Variants in ZNF496 observed in about 807,000 individuals in gnomAD.
The protein encoded by ZNF496 is NSD1 (nuclear receptor binding SET-domain containing 1)-interacting zinc finger protein 1.
Under a neutral mutation model 58.9 loss-of-function variants are expected in ZNF496, and 11 were observed. That is an observed-to-expected ratio of 0.19 (90% CI 0.12 to 0.31). ZNF496 has a LOEUF of 0.31. Ranked by LOEUF, ZNF496 falls within the 10% of genes least tolerant of loss-of-function variation. The pLI, the probability that ZNF496 is intolerant of heterozygous loss-of-function variation, is 1.00. For synonymous variants in ZNF496, 338 were observed against 318.2 expected (o/e 1.06, Z -0.66); for missense variants, 660 against 783.0 (o/e 0.84, Z 1.88).
chr1:247,302,110 A>G (rs1255885670), intron 9 of ZNF496, among the ~76,000 whole-genome samples: 1 of 152,090 alleles, frequency 6.6e-6, no homozygotes, highest in Non-Finnish European at 1.5e-5. Context: ...CCCACCATAC[A>G]GGTGGCCTGT....
chr1:247,307,570 A>C, intron 9 of ZNF496: 1 of 985,402 alleles, frequency 1.0e-6, no homozygotes, highest in Non-Finnish European at 1.2e-6. Flanking sequence ...TTAGAAAACC[A>C]GGGGTGGGCA....
At chr1:247,328,638 G>A (rs369729005) in intron 5 of ZNF496, 45 bp downstream of exon 5, 44 of 1,505,174 alleles carry the variant, frequency 2.9e-5, no homozygotes, top group Admixed American at 4.4e-5. Flanking sequence ...TATGGGGTGT[G>A]CACTTCCCCA....
intron 5 of ZNF496, among the ~76,000 whole-genome samples, chr1:247,327,913 G>A (rs1032843865): frequency 6.6e-5 from 10 of 152,162 alleles, no homozygotes; most frequent in Non-Finnish European, 1.0e-4. Flanking sequence ...ACCCAAGGGC[G>A]CTGGTTTCCC....
Position 247,309,668 on chromosome 1 carries a change from C to T in ZNF496, c.892+31G>A. Reference sequence around the variant, plus strand: ...GCTGCCAGCAACCCTTCCCCCTACTCTGTCCACTCAGTTCTGGAATCATTA... The same window carrying T: ...GCTGCCAGCAACCCTTCCCCCTACTTTGTCCACTCAGTTCTGGAATCATTA... On this transcript the variant is annotated intron_variant, in intron 8 of 9. Coordinates refer to ENST00000682384, the MANE Select transcript of ZNF496 (RefSeq NM_032752.3). This position sits in a 1 kb window ranked among gnomAD's most constrained non-coding sequence, Gnocchi z 4.3. 1.2e-6 allele frequency: 2 copies of T among 1,613,602 alleles called. No individual in the cohort carries two copies. Among genetic ancestry groups the T allele is most frequent in the Non-Finnish European group, 1.7e-6 (2 of 1,179,778 alleles).
At chr1:247,318,691 A>T (rs1383145169) in intron 6 of ZNF496, among the ~76,000 whole-genome samples, 1 of 152,250 alleles carries the variant, frequency 6.6e-6, no homozygotes, top group East Asian at 1.9e-4. Flanking sequence ...ATGAGGAAAA[A>T]ATATGTAAGT....
chr1:247,316,135 G>GGGGTGTGT lies in ZNF496; in HGVS notation c.652-5680_652-5679insACACACCC, dbSNP rs531854783. Among the ~76,000 whole-genome samples, 9 of 139,830 alleles carry GGGGTGTGT rather than the reference G, an allele frequency of 6.4e-5. No homozygotes were observed. The East Asian group carries it at 8.9e-4, about 14-fold the overall frequency. 91.7% of individuals were successfully genotyped at this position (139,830 alleles called of 152,430 possible). On this transcript the variant is annotated intron_variant, in intron 6 of 9. Coordinates refer to ENST00000682384, the MANE Select transcript of ZNF496 (RefSeq NM_032752.3). ...CTCTGACACGACTTCCTGGGAGAGG[G>GGGGTGTGT]GTGTGTGTGTGTGTGTGTGTGTGTG...
intron 6 of ZNF496, chr1:247,310,740 T>TC (rs1471564850): frequency 3.0e-6 from 1 of 337,618 alleles, no homozygotes; most frequent in Non-Finnish European, 5.5e-6. Flanking sequence ...GAGGGACTAA[T>TC]CCCACTCATG....
rs1366936382 is a variant in ZNF496, at chr1:247,298,773, CCT to C, written c.*1744_*1745del. On this transcript the variant is annotated 3_prime_UTR_variant, in exon 10 of 10. Coordinates refer to ENST00000682384, the MANE Select transcript of ZNF496 (RefSeq NM_032752.3). ...CACTGCTAGACTACAGCCTTGATGCCCTCTCTTGCTGACCCTAGCCAACATAA... is the reference window on the plus strand; with the variant it reads ...CACTGCTAGACTACAGCCTTGATGCCCTCTTGCTGACCCTAGCCAACATAA... 6.6e-6 allele frequency: 1 copy of C among 152,216 alleles called. No homozygotes were observed. The highest frequency in any genetic ancestry group is 2.1e-4 in the South Asian group (1 of 4,824). 9.4% of individuals were successfully genotyped at this position (152,216 alleles called of 1,614,324 possible). A position where few individuals can be genotyped will look rare whatever the true frequency, so the allele number is the denominator to read the frequency against.
In ZNF496 at chr1:247,330,056, T is replaced by C. The variant is rs1660267807; in HGVS notation, c.-128A>G. ...GCTCCGGAGCCGAAGTCACTGTTCT[T>C]GTTATTAAGACCTTTACAAATGGAG... On this transcript the variant is annotated 5_prime_UTR_variant, in exon 3 of 10. Transcript: ENST00000682384. The C allele has an allele frequency of 1.9e-5, 3 of 154,756 alleles. No homozygotes were observed. In the Admixed American group the frequency reaches 2.0e-4, roughly 10 times the overall value. The allele number at this position is 154,756 out of a possible 1,614,324, so 9.6% of individuals were successfully genotyped here.
At chr1:247,306,211 T>C (rs1341584400) in intron 9 of ZNF496, among the ~76,000 whole-genome samples, 1 of 152,080 alleles carries the variant, frequency 6.6e-6, no homozygotes, top group Non-Finnish European at 1.5e-5. Context: ...TTTTTTTTTT[T>C]TTAAGATGGA....
intron 5 of ZNF496, among the ~76,000 whole-genome samples, chr1:247,327,986 C>G (rs1254587326): frequency 6.6e-6 from 1 of 152,154 alleles, no homozygotes; most frequent in South Asian, 2.1e-4. Context: ...TAGGTTGTAT[C>G]TCATTTAATT....
At chr1:247,315,930 C>G (rs991015239) in intron 6 of ZNF496, among the ~76,000 whole-genome samples, 2 of 152,020 alleles carry the variant, frequency 1.3e-5, no homozygotes, top group Non-Finnish European at 2.9e-5. Context: ...ATCTGCTGCT[C>G]GGAAGAGGTC....
At chr1:247,301,403 G>A (rs1171556051) in intron 9 of ZNF496, 127 bp from the exon 10 acceptor site, 14 of 1,259,118 alleles carry the variant, frequency 1.1e-5, no homozygotes, top group South Asian at 1.9e-5. Context: ...CTCGGTGACC[G>A]GGGCGGCCTG....
In ZNF496 at chr1:247,308,801, T is replaced by C; in HGVS notation, c.893-213A>G. On this transcript the variant is annotated intron_variant, in intron 8 of 9. Transcript: ENST00000682384. This position sits in a 1 kb window ranked among gnomAD's most constrained non-coding sequence, Gnocchi z 4.5. Reference sequence around the variant, plus strand: ...ACTCCACAAACATGAGCTCTGACGCTAGACAGAATCGACGTAGATCCGGGT... The same window carrying C: ...ACTCCACAAACATGAGCTCTGACGCCAGACAGAATCGACGTAGATCCGGGT... 2 of 529,314 alleles carry C rather than the reference T, an allele frequency of 3.8e-6. No individual in the cohort carries two copies. The highest frequency in any genetic ancestry group is 3.4e-6 in the Non-Finnish European group (1 of 292,644). 32.8% of individuals were successfully genotyped at this position (529,314 alleles called of 1,614,324 possible).
chr1:247,314,558 A>C (rs1460811386), intron 6 of ZNF496, among the ~76,000 whole-genome samples: 2 of 151,244 alleles, frequency 1.3e-5, no homozygotes, highest in African/African-American at 4.9e-5. Flanking sequence ...TTTTGTGGAA[A>C]AAAGAAAAGT....
At chr1:247,303,308 G>A (rs1659305393) in intron 9 of ZNF496, among the ~76,000 whole-genome samples, 1 of 152,170 alleles carries the variant, frequency 6.6e-6, no homozygotes, top group Admixed American at 6.5e-5. Context: ...TGTTGCTTCT[G>A]GAATTGTAAG....
chr1:247,322,700 C>T (rs762689878), intron 6 of ZNF496: 18 of 1,287,918 alleles, frequency 1.4e-5, no homozygotes, highest in Middle Eastern at 2.1e-4. Flanking sequence ...TGACTCACCA[C>T]GTAGATCTGT....
intron 9 of ZNF496, among the ~76,000 whole-genome samples, chr1:247,305,291 C>T (rs1334468252): frequency 6.6e-6 from 1 of 152,184 alleles, no homozygotes; most frequent in Non-Finnish European, 1.5e-5. Flanking sequence ...AAGAAAAGAG[C>T]TATTGGTCTA....
chr1:247,326,063 CAT>C (rs1553273478), intron 5 of ZNF496, among the ~76,000 whole-genome samples: 1 of 145,564 alleles, frequency 6.9e-6, no homozygotes, highest in East Asian at 2.0e-4. Context: ...CACACACACA[CAT>C]ATATACACAC....
Sources: allele counts gnomAD v4.1 joint callset (sites outside exome capture counted in the v4.1 genomes callset), GRCh38; gene constraint gnomAD v4.1.1; non-coding constraint Gnocchi (gnomAD v3.1); transcripts MANE v1.5; gene names NCBI Gene and HGNC (gene_info 2026-07-23, HGNC 2026-07-21).